The following PMPCB variants were observed in gnomAD, a reference collection of about 807,000 sequenced individuals.
PMPCB encodes mitochondrial-processing peptidase subunit beta.
In PMPCB, 46 loss-of-function variants were observed where a neutral mutation model predicts 61.5. The observed-to-expected ratio is 0.75, with a 90% CI of 0.59 to 0.96. PMPCB has a LOEUF of 0.96. PMPCB is among the 40% of genes least tolerant of loss of function. The pLI is 0.00. For synonymous variants in PMPCB, 191 were observed against 201.6 expected (o/e 0.95, Z 0.44); for missense variants, 590 against 602.4 (o/e 0.98, Z 0.22).
At chr7:103,324,000 G>GTTATCTCA (rs1429784249) in intron 12 of PMPCB, among the ~76,000 whole-genome samples, 1 of 152,138 alleles carries the variant, frequency 6.6e-6, no homozygotes. Flanking sequence ...TCTCCAGTTT[G>GTTATCTCA]TATCCTCTGA....
rs1196636352 is a variant in PMPCB at position 103,312,635 on chromosome 7, G to A, written c.*364G>A. On this transcript the variant is annotated 3_prime_UTR_variant, in exon 13 of 13. Transcript: ENST00000249269. ...CAGCTTTCTTTGCTTTTACCATCTC[G>A]ACAAGTTCCTAGGAAGGGAGAAAGG... 2.1e-5 allele frequency: 34 copies of A among 1,612,956 alleles called. No homozygotes were observed. The highest frequency in any genetic ancestry group is 1.6e-4 in the Middle Eastern group (1 of 6,080).
chr7:103,344,557 A>G, the PMPCB span: 1 of 1,613,732 alleles, frequency 6.2e-7, no homozygotes, highest in Non-Finnish European at 8.5e-7. Flanking sequence ...GTGGGCACTT[A>G]CCAGAGGTCA....
chr7:103,307,573 G>A, intron 6 of PMPCB, 23 bp from the exon 7 acceptor site: 2 of 1,399,020 alleles, frequency 1.4e-6, no homozygotes, highest in Non-Finnish European at 2.0e-6. Context: ...AGATACATGT[G>A]AAAATATTTT....
chr7:103,313,812 C>T lies in PMPCB; in HGVS notation c.*1541C>T, dbSNP rs575750019. The T allele has an allele frequency of 9.2e-5, 91 of 985,262 alleles. No homozygotes were observed. In the South Asian group the frequency reaches 1.5e-3, roughly 16 times the overall value. The allele number at this position is 985,262 out of a possible 1,614,324, so 61.0% of individuals were successfully genotyped here. The stretch of plus-strand genomic sequence containing the variant: ...TTTCTTAAGGATGTTAAGTATTACA[C>T]AGTCCACTTGTGTAGGTAAAAGTAG... On this transcript the variant is annotated 3_prime_UTR_variant, in exon 13 of 13. Transcript: ENST00000249269.
At chr7:103,346,246 C>A in the PMPCB span, among the ~76,000 whole-genome samples, 1 of 152,234 alleles carries the variant, frequency 6.6e-6, no homozygotes, top group Non-Finnish European at 1.5e-5. Flanking sequence ...GATTCTCCTG[C>A]CTCAGCCTCC....
intron 4 of PMPCB, 120 bp downstream of exon 4, chr7:103,300,427 C>T (rs1331267655): frequency 2.7e-6 from 2 of 728,628 alleles, no homozygotes; most frequent in Non-Finnish European, 4.1e-6. Context: ...AAAAGCGAAA[C>T]TGAATTCTGG....
At position 103,309,099 on chromosome 7, in the gene PMPCB, A is replaced by G. The variant is rs751244146; in HGVS notation, c.993+4A>G. 22 of 1,583,648 alleles carry G rather than the reference A, an allele frequency of 1.4e-5. No individual in the cohort carries two copies. In the South Asian group the frequency reaches 2.2e-4, roughly 16 times the overall value. ...TCGCTCTTTTGGGGGAGGAATGGTAAGTGATTTTAAAAGAAATTTTCCATA... is the reference window on the plus strand; with the variant it reads ...TCGCTCTTTTGGGGGAGGAATGGTAGGTGATTTTAAAAGAAATTTTCCATA... On this transcript the variant is annotated splice_donor_region_variant and intron_variant, in intron 8 of 12. Transcript: ENST00000249269.
chr7:103,330,125 C>T (rs1025377455), downstream of PMPCB, among the ~76,000 whole-genome samples: 3 of 152,174 alleles, frequency 2.0e-5, no homozygotes, highest in Non-Finnish European at 4.4e-5. Context: ...AAACTGTATT[C>T]TATGTGCTTT....
chr7:103,331,718 T>C (rs932594025), downstream of PMPCB, among the ~76,000 whole-genome samples: 1 of 152,222 alleles, frequency 6.6e-6, no homozygotes, highest in African/African-American at 2.4e-5. Context: ...TGGTATCCCA[T>C]TGTATACATA....
At chr7:103,336,615 G>A in the PMPCB span, 2 of 152,144 alleles carry the variant, frequency 1.3e-5, no homozygotes, top group Non-Finnish European at 2.9e-5. Flanking sequence ...CAAAGTGTTG[G>A]GATTATAGGC....
At chr7:103,298,015 A>ATG (rs1300998235) in intron 1 of PMPCB, 17 of 962,100 alleles carry the variant, frequency 1.8e-5, no homozygotes, top group Non-Finnish European at 2.1e-5. Context: ...AAGCAAAGGG[A>ATG]TGTGAGACTT....
intron 1 of PMPCB, chr7:103,297,804 T>C: frequency 6.5e-7 from 1 of 1,526,830 alleles, no homozygotes; most frequent in Non-Finnish European, 8.8e-7. Flanking sequence ...CGCCAGCTAC[T>C]GAGGAGTGCA....
downstream of PMPCB, chr7:103,317,222 C>T (rs1161986621): frequency 1.4e-5 from 7 of 515,830 alleles, no homozygotes; most frequent in Admixed American, 2.2e-4. Flanking sequence ...AAGAACTGCC[C>T]ACAGCCTGCC....
intron 12 of PMPCB, among the ~76,000 whole-genome samples, chr7:103,326,350 T>A (rs891654020): frequency 6.6e-6 from 1 of 152,216 alleles, no homozygotes; most frequent in South Asian, 2.1e-4. Context: ...AACTTCTGTT[T>A]AGAAAGCAAT....
chr7:103,333,951 A>ATTT (rs1213072243), downstream of PMPCB, among the ~76,000 whole-genome samples: 1 of 139,520 alleles, frequency 7.2e-6, no homozygotes, highest in Non-Finnish European at 1.6e-5. Flanking sequence ...TGTTGTGAAC[A>ATTT]TTTTTTTTTT....
At chr7:103,323,401 A>G (rs1427247575) in intron 12 of PMPCB, among the ~76,000 whole-genome samples, 3 of 152,222 alleles carry the variant, frequency 2.0e-5, no homozygotes, top group Admixed American at 6.5e-5. Context: ...CAATTTCTTA[A>G]GCATATCCTA....
chr7:103,321,133 G>A (rs1190076106), intron 12 of PMPCB, among the ~76,000 whole-genome samples: 3 of 151,992 alleles, frequency 2.0e-5, no homozygotes. Flanking sequence ...GGGAGGTGAA[G>A]GTTGCAGTGA....
chr7:103,332,218 G>A (rs1209446774), downstream of PMPCB, among the ~76,000 whole-genome samples: 1 of 152,142 alleles, frequency 6.6e-6, no homozygotes, highest in Non-Finnish European at 1.5e-5. Flanking sequence ...TGTTAGCCAG[G>A]ATGGTCTCGA....
intron 12 of PMPCB, among the ~76,000 whole-genome samples, chr7:103,328,536 C>A (rs181455949): frequency 2.6e-5 from 4 of 152,150 alleles, no homozygotes; most frequent in Admixed American, 2.0e-4. Context: ...GTGGCTCAGA[C>A]ATAAGAATCG....
Sources: gnomAD v4.1 joint callset for allele counts (sites outside exome capture counted in the v4.1 genomes callset) on GRCh38, gnomAD v4.1.1 for gene constraint, MANE v1.5 for transcripts, NCBI Gene and HGNC (gene_info 2026-07-23, HGNC 2026-07-21) for gene names.